Variants in CHST9 observed in about 807,000 individuals in gnomAD.
CHST9 encodes the protein GalNAc-4-sulfotransferase 2.
A neutral mutation model predicts 44.4 loss-of-function variants in CHST9; 41 were observed. That is an observed-to-expected ratio of 0.92 (90% CI 0.72 to 1.20). CHST9 has a LOEUF of 1.20. Ranked by LOEUF, CHST9 falls within the 50% of genes most tolerant of loss-of-function variation. CHST9 has a pLI of 0.00. For missense variants in CHST9, 504 were observed against 516.5 expected (o/e 0.98, Z 0.23); for synonymous variants, 171 against 178.4 (o/e 0.96, Z 0.33).
chr18:26,943,650 A>T (rs762824828), intron 5 of CHST9, among the ~76,000 whole-genome samples: 70 of 152,212 alleles, frequency 4.6e-4, no homozygotes, highest in Non-Finnish European at 8.2e-4. Context: ...ACTGTAGCTA[A>T]GCTGGCCTGG....
intron 2 of CHST9, among the ~76,000 whole-genome samples, chr18:27,064,812 C>T (rs1323157448): frequency 2.6e-5 from 4 of 152,158 alleles, no homozygotes; most frequent in African/African-American, 9.7e-5. Context: ...CTACAATGCA[C>T]ACACAATTTG....
intron 2 of CHST9, among the ~76,000 whole-genome samples, chr18:27,058,099 T>C (rs10502484): frequency 0.081 from 12,321 of 152,224 alleles, 602 homozygotes; most frequent in South Asian, 0.16. Flanking sequence ...AGACTGGCAA[T>C]AGTAAATACC....
intron 2 of CHST9, among the ~76,000 whole-genome samples, chr18:27,052,095 G>A (rs549884811): frequency 1.3e-5 from 2 of 151,878 alleles, no homozygotes; most frequent in East Asian, 1.9e-4. Flanking sequence ...TGAAGACCTC[G>A]AACAATTCTC....
intron 2 of CHST9, among the ~76,000 whole-genome samples, chr18:27,128,784 T>A (rs1428590730): frequency 2.0e-5 from 3 of 152,222 alleles, no homozygotes; most frequent in Non-Finnish European, 2.9e-5. Flanking sequence ...TGTTTAATTC[T>A]TGGAAACTGG....
chr18:27,122,956 G>A (rs1293046575), intron 2 of CHST9, among the ~76,000 whole-genome samples: 1 of 152,208 alleles, frequency 6.6e-6, no homozygotes, highest in East Asian at 1.9e-4. Flanking sequence ...TGGTTTAGGT[G>A]AGGAGACGCA....
intron 2 of CHST9, among the ~76,000 whole-genome samples, chr18:27,121,371 T>C (rs1251305402): frequency 2.0e-5 from 3 of 152,102 alleles, no homozygotes; most frequent in Admixed American, 2.0e-4. Flanking sequence ...TTTGGAGTAC[T>C]GCCCCTACTC....
chr18:26,971,759 G>C (rs540365523), intron 4 of CHST9, among the ~76,000 whole-genome samples: 99 of 152,066 alleles, frequency 6.5e-4, no homozygotes, highest in Non-Finnish European at 1.2e-3. Flanking sequence ...CCCAGCTCGG[G>C]GGGCGGGCAG....
At chr18:26,936,521 A>T (rs1486617689) in intron 5 of CHST9, 1 of 152,140 alleles carries the variant, frequency 6.6e-6, no homozygotes, top group African/African-American at 2.4e-5. Context: ...GTGTCTTTCT[A>T]TACGGAGGTG....
intron 4 of CHST9, among the ~76,000 whole-genome samples, chr18:27,010,667 G>T (rs969404103): frequency 6.6e-6 from 1 of 152,124 alleles, no homozygotes; most frequent in Non-Finnish European, 1.5e-5. Context: ...AGGATTGAAC[G>T]AGAGAGAGTT....
At chr18:26,949,842 C>G (rs1012928954) in intron 4 of CHST9, among the ~76,000 whole-genome samples, 1 of 152,054 alleles carries the variant, frequency 6.6e-6, no homozygotes, top group African/African-American at 2.4e-5. Flanking sequence ...AGAGAGAAGG[C>G]GAGGTGGCAG....
At chr18:27,162,851 G>A (rs968537256) in intron 1 of CHST9, among the ~76,000 whole-genome samples, 2 of 152,194 alleles carry the variant, frequency 1.3e-5, no homozygotes, top group African/African-American at 2.4e-5. Context: ...TCCGTTGCTG[G>A]TGAGGAGCTG....
intron 3 of CHST9, among the ~76,000 whole-genome samples, chr18:27,027,505 T>C (rs416483): frequency 6.6e-6 from 1 of 152,346 alleles, no homozygotes; most frequent in African/African-American, 2.4e-5. Flanking sequence ...ATTGATTTGG[T>C]CTCACCTTGC....
chr18:27,095,936 C>T (rs2058112512), intron 2 of CHST9, among the ~76,000 whole-genome samples: 1 of 151,960 alleles, frequency 6.6e-6, no homozygotes, highest in East Asian at 1.9e-4. Flanking sequence ...CCAATTGGAC[C>T]TAATAGACAT....
chr18:27,053,115 G>A (rs1330957662), intron 2 of CHST9, among the ~76,000 whole-genome samples: 9 of 94,336 alleles, frequency 9.5e-5, no homozygotes, highest in South Asian at 7.0e-4. Context: ...AAGAAGAAGA[G>A]GAGGAGGAAG....
At chr18:27,181,361 T>C (rs1026990156) in intron 1 of CHST9, among the ~76,000 whole-genome samples, 4 of 152,188 alleles carry the variant, frequency 2.6e-5, no homozygotes, top group Non-Finnish European at 4.4e-5. Context: ...ATCTGTTAAA[T>C]TGGCAGTCTT....
intron 2 of CHST9, among the ~76,000 whole-genome samples, chr18:27,073,526 T>C (rs2057865267): frequency 6.6e-6 from 1 of 151,248 alleles, no homozygotes; most frequent in African/African-American, 2.4e-5. Context: ...AGCAAGTATA[T>C]AGTCAGGAAT....
At chr18:26,964,516 A>G (rs749405866) in intron 4 of CHST9, among the ~76,000 whole-genome samples, 2 of 152,204 alleles carry the variant, frequency 1.3e-5, no homozygotes, top group Non-Finnish European at 2.9e-5. Flanking sequence ...CAGTTATGGA[A>G]GTTCTAGTGT....
At position 27,006,639 on chromosome 18, in the gene CHST9, G is replaced by A. The variant is rs1287942726; in HGVS notation, c.202+17477C>T. Among the ~76,000 whole-genome samples, 17 of 152,108 alleles carry A rather than the reference G, an allele frequency of 1.1e-4. No individual in the cohort carries two copies. In the East Asian group the frequency reaches 1.5e-3, roughly 14 times the overall value. ...CCCGTCTGCAGTTGCAGCTCTTTTT[G>A]TACTACATTTGCTTGCCTCCTCCAC... On this transcript the variant is annotated intron_variant, in intron 4 of 5. Transcript: ENST00000618847.
intron 4 of CHST9, among the ~76,000 whole-genome samples, chr18:26,987,188 T>C (rs563905681): frequency 6.6e-6 from 1 of 152,274 alleles, no homozygotes; most frequent in South Asian, 2.1e-4. Context: ...TCCAGTAAGG[T>C]TGAATTAGTT....
Sources: gnomAD v4.1 joint callset for allele counts (sites outside exome capture counted in the v4.1 genomes callset) on GRCh38, gnomAD v4.1.1 for gene constraint, MANE v1.5 for transcripts, NCBI Gene and HGNC (gene_info 2026-07-23, HGNC 2026-07-21) for gene names.